Variants in NFIB observed in about 807,000 individuals in gnomAD.
The protein encoded by NFIB is nuclear factor 1 B-type.
Under a neutral mutation model 61.5 loss-of-function variants are expected in NFIB, and 11 were observed. The observed-to-expected ratio is 0.18, with a 90% CI of 0.11 to 0.30. The LOEUF is 0.30. Among genes scored for constraint, NFIB ranks in the 10% least tolerant of loss-of-function variants. The pLI is 1.00. For synonymous variants in NFIB, 260 were observed against 216.5 expected (o/e 1.20, Z -1.76); for missense variants, 471 against 608.9 (o/e 0.77, Z 2.38).
At chr9:14,289,110 G>T (rs10961462) in intron 2 of NFIB, among the ~76,000 whole-genome samples, 1 of 117,124 alleles carries the variant, frequency 8.5e-6, no homozygotes, top group Non-Finnish European at 1.9e-5. Flanking sequence ...GTGTGTATGT[G>T]TGTGTGTATA....
At chr9:14,245,962 G>A (rs1453035084) in intron 2 of NFIB, among the ~76,000 whole-genome samples, 1 of 151,980 alleles carries the variant, frequency 6.6e-6, no homozygotes, top group South Asian at 2.1e-4. Flanking sequence ...TCAGAAATGA[G>A]TTTACTGTAA....
At chr9:14,328,330 G>A (rs1209912053) in intron 1 of NFIB, among the ~76,000 whole-genome samples, 1 of 152,110 alleles carries the variant, frequency 6.6e-6, no homozygotes, top group African/African-American at 2.4e-5. Context: ...TTTTTTTGTA[G>A]AGATGGGATG....
intron 3 of NFIB, among the ~76,000 whole-genome samples, chr9:14,177,890 C>T (rs554845998): frequency 2.0e-5 from 3 of 152,046 alleles, no homozygotes; most frequent in Admixed American, 6.5e-5. Context: ...AGCTTCTTGA[C>T]AAATATTGAA....
the NFIB span, among the ~76,000 whole-genome samples, chr9:14,464,912 G>A: frequency 6.6e-6 from 1 of 152,106 alleles, no homozygotes; most frequent in African/African-American, 2.4e-5. Context: ...ATGAGTTAAT[G>A]AATGTGACAC....
At chr9:14,323,233 G>T (rs556716965) in intron 1 of NFIB, among the ~76,000 whole-genome samples, 83 of 152,240 alleles carry the variant, frequency 5.5e-4, no homozygotes, top group African/African-American at 1.9e-3. Flanking sequence ...AGAAGTGGGT[G>T]AAACAACCAA....
At chr9:14,210,323 C>T (rs372202423) in intron 2 of NFIB, among the ~76,000 whole-genome samples, 2 of 152,022 alleles carry the variant, frequency 1.3e-5, no homozygotes, top group African/African-American at 4.8e-5. Context: ...AAGATCTCTA[C>T]CCTTTTCATC....
chr9:14,197,164 A>C (rs190817541), intron 2 of NFIB, among the ~76,000 whole-genome samples: 1 of 152,340 alleles, frequency 6.6e-6, no homozygotes, highest in African/African-American at 2.4e-5. Context: ...AATTACCAGA[A>C]AGGAATGCAG....
chr9:14,224,379 G>T (rs1364545225), intron 2 of NFIB, among the ~76,000 whole-genome samples: 1 of 152,214 alleles, frequency 6.6e-6, no homozygotes, highest in Non-Finnish European at 1.5e-5. Context: ...TATTTAGATT[G>T]AAAGTGTCCT....
the NFIB span, among the ~76,000 whole-genome samples, chr9:14,443,959 C>T: frequency 6.6e-6 from 1 of 152,126 alleles, no homozygotes; most frequent in Non-Finnish European, 1.5e-5. Context: ...TTAAACAAAA[C>T]ATCAAAGGCT....
At chr9:14,371,185 A>G (rs993440187) in intron 1 of NFIB, among the ~76,000 whole-genome samples, 1 of 152,216 alleles carries the variant, frequency 6.6e-6, no homozygotes, top group Non-Finnish European at 1.5e-5. Context: ...CAGAGGACCA[A>G]CCTTTTCTTA....
chr9:14,134,038 T>A (rs556471417), intron 6 of NFIB, among the ~76,000 whole-genome samples: 29 of 152,280 alleles, frequency 1.9e-4, no homozygotes, highest in Non-Finnish European at 3.5e-4. Flanking sequence ...CTATCCTGGC[T>A]CATGGGGAGA....
At chr9:14,202,678 C>A (rs910980735) in intron 2 of NFIB, among the ~76,000 whole-genome samples, 1 of 152,028 alleles carries the variant, frequency 6.6e-6, no homozygotes, top group Non-Finnish European at 1.5e-5. Flanking sequence ...TTTAGAAAAA[C>A]GACCCATATG....
chr9:14,282,637 C>A (rs898710718), intron 2 of NFIB, among the ~76,000 whole-genome samples: 5 of 152,090 alleles, frequency 3.3e-5, no homozygotes, highest in African/African-American at 1.2e-4. Context: ...TTTAATGTGC[C>A]TTTCTTATTT....
chr9:14,112,802 G>A (rs867915172), intron 10 of NFIB, among the ~76,000 whole-genome samples, 197 bp downstream of exon 10: 6 of 152,150 alleles, frequency 3.9e-5, no homozygotes, highest in Admixed American at 6.5e-5. Context: ...AAAAGGTCAT[G>A]AGCCAATTTG....
chr9:14,120,619 A>C lies in NFIB; in HGVS notation c.1066T>G (p.Ser356Ala). 6.2e-7 allele frequency: 1 copy of C among 1,604,144 alleles called. No homozygotes were observed. Among genetic ancestry groups the C allele is most frequent in the Non-Finnish European group, 8.5e-7 (1 of 1,175,590 alleles). ...GIPGVAHSVI[S>A]TRTPPPPSPL... The stretch of plus-strand genomic sequence containing the variant: ...GAAGGTGGAGGTGGAGTTCGAGTTG[A>C]GATGACTGCAGAAGACAGAAAAGGA... The change falls in exon 8 of 11, where the codon TCA becomes GCA. Residue 356 changes from serine (S) to alanine (A), a missense_variant. Coordinates refer to ENST00000380953, the MANE Select transcript of NFIB (RefSeq NM_001190737.2). The surrounding 1 kb of genome is among the most constrained non-coding windows in gnomAD (Gnocchi z 4.4).
intron 2 of NFIB, among the ~76,000 whole-genome samples, chr9:14,252,070 G>C (rs766434128): frequency 7.2e-5 from 11 of 152,156 alleles, no homozygotes; most frequent in Non-Finnish European, 1.3e-4. Context: ...GTAAGGAGTA[G>C]CCAGTTTTTA....
intron 2 of NFIB, among the ~76,000 whole-genome samples, chr9:14,245,424 T>C (rs2054806556): frequency 6.6e-6 from 1 of 151,562 alleles, no homozygotes; most frequent in African/African-American, 2.4e-5. Flanking sequence ...CCAAGCACCA[T>C]ATACTCTGAA....
At chr9:14,225,469 AAAAAAAAAAAAG>A (rs2052264453) in intron 2 of NFIB, among the ~76,000 whole-genome samples, 2 of 145,478 alleles carry the variant, frequency 1.4e-5, no homozygotes, top group Non-Finnish European at 3.0e-5. Context: ...AAAAAAAAAA[AAAAAAAAAAAAG>A]AAGAAGAAGA....
chr9:14,416,208 T>C, the NFIB span, among the ~76,000 whole-genome samples: 5 of 152,248 alleles, frequency 3.3e-5, no homozygotes, highest in Non-Finnish European at 7.3e-5. Context: ...GTCCCATAGA[T>C]TATAACAGAG....
Sources: allele counts gnomAD v4.1 joint callset (sites outside exome capture counted in the v4.1 genomes callset), GRCh38; gene constraint gnomAD v4.1.1; non-coding constraint Gnocchi (gnomAD v3.1); transcripts MANE v1.5; gene names NCBI Gene and HGNC (gene_info 2026-07-23, HGNC 2026-07-21).